Variants in ERICH6 observed in about 807,000 individuals in gnomAD.
The protein encoded by ERICH6 is glutamate rich 6, also known as glutamate-rich protein 6.
ERICH6 carries 71 observed loss-of-function variants against 71.0 expected under a neutral mutation model. That is an observed-to-expected ratio of 1.00 (90% CI 0.83 to 1.22). ERICH6 has a LOEUF of 1.22. Among genes scored for constraint, ERICH6 ranks in the 50% most tolerant of loss-of-function variants. The pLI is 0.00. For missense variants in ERICH6, 808 were observed against 797.2 expected, an observed-to-expected ratio of 1.01 and a Z score of -0.16; for synonymous variants, 262 against 278.4, an observed-to-expected ratio of 0.94 and a Z score of 0.59.
chr3:150,697,939 G>A (rs908012541), intron 3 of ERICH6, among the ~76,000 whole-genome samples: 1 of 152,142 alleles, frequency 6.6e-6, no homozygotes, highest in Non-Finnish European at 1.5e-5. Flanking sequence ...TCTAGAAGGA[G>A]GCACTTGCTG....
intron 10 of ERICH6, among the ~76,000 whole-genome samples, chr3:150,676,079 G>C (rs866990692): frequency 6.6e-6 from 1 of 151,620 alleles, no homozygotes; most frequent in Non-Finnish European, 1.5e-5. Context: ...ATGCACGTTA[G>C]ACCTTTCTTT....
intron 3 of ERICH6, among the ~76,000 whole-genome samples, chr3:150,695,366 T>C (rs528590878): frequency 6.6e-6 from 1 of 152,182 alleles, no homozygotes; most frequent in East Asian, 1.9e-4. Context: ...GAAAAAAAGA[T>C]TCTCGCCGGC....
intron 6 of ERICH6, among the ~76,000 whole-genome samples, chr3:150,683,405 G>C (rs1318266233): frequency 6.6e-6 from 1 of 152,118 alleles, no homozygotes; most frequent in African/African-American, 2.4e-5. Context: ...ACTTGGTTGT[G>C]AACTTCTCAG....
Position 150,703,492 on chromosome 3 carries a change from G to A in ERICH6, c.403+4C>T. 2 of 1,584,034 alleles carry A rather than the reference G, an allele frequency of 1.3e-6. No individual in the cohort carries two copies. Among genetic ancestry groups the A allele is most frequent in the Non-Finnish European group, 1.7e-6 (2 of 1,165,358 alleles). On this transcript the variant is annotated splice_donor_region_variant and intron_variant, in intron 1 of 13. Transcript: ENST00000295910. The stretch of plus-strand genomic sequence containing the variant: ...TCGAGGAAGGGGTGGGTCGGGGGCG[G>A]TACTTTTATGCGAGGAGGTGCTGGA...
chr3:150,702,236 AC>A (rs145625576), intron 1 of ERICH6, 58 bp from the exon 2 acceptor site: 329 of 680,134 alleles, frequency 4.8e-4, no homozygotes, highest in South Asian at 6.0e-4. Context: ...GGTCAATTCT[AC>A]CCCCCCCAGG....
chr3:150,703,647 G>T lies in ERICH6; in HGVS notation c.252C>A (p.Ile84=). Residue 84 remains isoleucine (I), a synonymous_variant, in exon 1 of 14, where the codon ATC becomes ATA. Coordinates refer to ENST00000295910, the MANE Select transcript of ERICH6 (RefSeq NM_152394.5). ...SEEYLWKVTD[I]GDYDDDFPDV... is the part of the protein sequence containing the mutation. The stretch of plus-strand genomic sequence containing the variant: ...CTGGGAAGTCGTCGTCGTAGTCACC[G>T]ATGTCCGTGACCTTCCAGAGGTACT... The T allele has an allele frequency of 6.2e-7, 1 of 1,613,948 alleles. No homozygotes were observed. Among genetic ancestry groups the T allele is most frequent in the Non-Finnish European group, 8.5e-7 (1 of 1,179,978 alleles).
intron 2 of ERICH6, among the ~76,000 whole-genome samples, chr3:150,701,620 G>A (rs1486760570): frequency 6.6e-6 from 1 of 152,158 alleles, no homozygotes; most frequent in Non-Finnish European, 1.5e-5. Context: ...CAAGATCATT[G>A]ACTCAGGTTT....
At chr3:150,665,378 A>C (rs1727368734) in intron 13 of ERICH6, among the ~76,000 whole-genome samples, 2 of 151,946 alleles carry the variant, frequency 1.3e-5, no homozygotes, top group South Asian at 4.2e-4. Context: ...AACAGGCCTT[A>C]CATGGTGGTG....
chr3:150,701,358 G>T (rs1030239047), intron 2 of ERICH6, among the ~76,000 whole-genome samples: 1 of 145,680 alleles, frequency 6.9e-6, no homozygotes, highest in African/African-American at 2.5e-5. Flanking sequence ...GATAAACCAA[G>T]AAATGAAAAT....
intron 11 of ERICH6, 140 bp from the exon 12 acceptor site, chr3:150,669,591 G>T: frequency 3.3e-6 from 3 of 897,388 alleles, no homozygotes; most frequent in Non-Finnish European, 3.3e-6. Context: ...AAGATTTTAT[G>T]CTTTTTATGT....
chr3:150,674,242 A>T (rs1300004641), intron 10 of ERICH6, among the ~76,000 whole-genome samples: 1 of 152,206 alleles, frequency 6.6e-6, no homozygotes, highest in Admixed American at 6.5e-5. Flanking sequence ...TAACTTGATA[A>T]AAATCCTTCT....
At chr3:150,698,920 T>C (rs1210280165) in intron 2 of ERICH6, 38 bp from the exon 3 acceptor site, 3 of 1,366,040 alleles carry the variant, frequency 2.2e-6, no homozygotes, top group East Asian at 2.3e-5. Context: ...TATACCTATA[T>C]AGTTGTTAGC....
intron 11 of ERICH6, among the ~76,000 whole-genome samples, chr3:150,671,110 AT>A (rs762954459): frequency 8.5e-5 from 13 of 152,186 alleles, no homozygotes; most frequent in Non-Finnish European, 1.8e-4. Flanking sequence ...CTTTAAAAAA[AT>A]TTTTAGGTCA....
At chr3:150,694,293 C>T (rs897220349) in intron 3 of ERICH6, among the ~76,000 whole-genome samples, 5 of 151,792 alleles carry the variant, frequency 3.3e-5, no homozygotes, top group Non-Finnish European at 4.4e-5. Context: ...AAAGATGAAA[C>T]ATCTTTAAAA....
intron 3 of ERICH6, among the ~76,000 whole-genome samples, chr3:150,690,804 C>A (rs996450526): frequency 6.6e-6 from 1 of 152,102 alleles, no homozygotes; most frequent in Non-Finnish European, 1.5e-5. Flanking sequence ...AAACTATAAA[C>A]CCAGCCCAAG....
intron 6 of ERICH6, among the ~76,000 whole-genome samples, chr3:150,683,111 C>T (rs1292736492): frequency 6.6e-6 from 1 of 152,152 alleles, no homozygotes; most frequent in African/African-American, 2.4e-5. Flanking sequence ...CCATGGTAAC[C>T]ATTCTCTGAG....
Position 150,665,515 on chromosome 3 carries a change from C to CAA in ERICH6, c.1728+1270_1728+1271dup, listed in dbSNP as rs59227415. ...CTGGCGACGGAGAGAGACTCCATCT[C>CAA]AAAAAAAAAAAAAAAAAATCGACGA... is the stretch of plus-strand genomic sequence containing the variant. On this transcript the variant is annotated intron_variant, in intron 13 of 13. Coordinates refer to ENST00000295910, the MANE Select transcript of ERICH6 (RefSeq NM_152394.5). Among the ~76,000 whole-genome samples the CAA allele has an allele frequency of 7.9e-5, 5 of 63,450 alleles. 1 individual carries two copies. The highest frequency in any genetic ancestry group is 5.0e-4 in the Admixed American group (2 of 3,972). 41.6% of individuals were successfully genotyped at this position (63,450 alleles called of 152,430 possible).
chr3:150,699,010 C>T, intron 2 of ERICH6, 128 bp from the exon 3 acceptor site: 1 of 656,926 alleles, frequency 1.5e-6, no homozygotes, highest in Non-Finnish European at 2.6e-6. Context: ...GAAATATTTT[C>T]TTCCATTTTT....
At chr3:150,676,642 G>GGTTT (rs748386288) in intron 10 of ERICH6, among the ~76,000 whole-genome samples, 2 of 151,822 alleles carry the variant, frequency 1.3e-5, no homozygotes, top group African/African-American at 2.4e-5. Context: ...ACATTCTTTT[G>GGTTT]GTTTGTTTGT....
Sources: allele counts gnomAD v4.1 joint callset (sites outside exome capture counted in the v4.1 genomes callset), GRCh38; gene constraint gnomAD v4.1.1; transcripts MANE v1.5; gene names NCBI Gene and HGNC (gene_info 2026-07-23, HGNC 2026-07-21).